TPRG1: variants seen among roughly 807,000 people sequenced by gnomAD.
TPRG1 encodes tumor protein p63-regulated gene 1 protein.
A neutral mutation model predicts 29.3 loss-of-function variants in TPRG1; 29 were observed. The ratio of observed to expected loss-of-function variants is 0.99; its 90% CI spans 0.74 to 1.35. The LOEUF is 1.35. Among genes scored for constraint, TPRG1 ranks in the 40% most tolerant of loss-of-function variants. The probability of loss-of-function intolerance (pLI) is 0.00; values close to 1 mark genes in which losing one functional copy is unlikely to be tolerated. For missense variants in TPRG1, 327 were observed against 335.0 expected (o/e 0.98, Z 0.19); for synonymous variants, 130 against 116.8 (o/e 1.11, Z -0.73).
chr3:189,030,174 G>A (rs548950903), intron 4 of TPRG1, among the ~76,000 whole-genome samples: 9 of 152,066 alleles, frequency 5.9e-5, no homozygotes, highest in Admixed American at 2.0e-4. Flanking sequence ...TGAGTCTTGC[G>A]TTTCATTTTC....
chr3:189,021,815 C>G (rs1248815952), intron 3 of TPRG1, among the ~76,000 whole-genome samples: 1 of 152,128 alleles, frequency 6.6e-6, no homozygotes, highest in Admixed American at 6.5e-5. Context: ...TGGATAATAT[C>G]CTGCAGAGTG....
chr3:189,093,199 T>C (rs1257678170), intron 4 of TPRG1, among the ~76,000 whole-genome samples: 3 of 151,946 alleles, frequency 2.0e-5, no homozygotes, highest in East Asian at 3.9e-4. Context: ...AGAGCGTCAA[T>C]AAAGAGACAA....
intron 1 of TPRG1, among the ~76,000 whole-genome samples, chr3:189,115,970 A>G (rs957290190): frequency 2.0e-5 from 3 of 152,190 alleles, no homozygotes; most frequent in Admixed American, 1.3e-4. Flanking sequence ...GCTACTATCA[A>G]AAAAACAGAA....
At chr3:189,180,816 C>T (rs376233212) in intron 1 of TPRG1, among the ~76,000 whole-genome samples, 1 of 152,194 alleles carries the variant, frequency 6.6e-6, no homozygotes, top group African/African-American at 2.4e-5. Flanking sequence ...AGTAGGGATT[C>T]TGTGTGGGGA....
intron 4 of TPRG1, among the ~76,000 whole-genome samples, chr3:189,059,821 G>A (rs140166428): frequency 5.3e-5 from 8 of 152,306 alleles, no homozygotes; most frequent in Non-Finnish European, 1.2e-4. Flanking sequence ...AGGATGCAAG[G>A]TTGATTCAAC....
At chr3:189,079,131 G>A (rs954561350) in intron 4 of TPRG1, among the ~76,000 whole-genome samples, 4 of 152,112 alleles carry the variant, frequency 2.6e-5, no homozygotes, top group Non-Finnish European at 5.9e-5. Flanking sequence ...AGCAAGGGAG[G>A]GAGCAAAAGG....
At chr3:189,262,069 T>A (rs1456418238) in intron 4 of TPRG1, among the ~76,000 whole-genome samples, 1 of 151,816 alleles carries the variant, frequency 6.6e-6, no homozygotes, top group African/African-American at 2.4e-5. Context: ...ATATAAGAGA[T>A]AGTTTGGAGA....
At chr3:189,204,972 C>CACACACAT (rs1734100221) in intron 1 of TPRG1, among the ~76,000 whole-genome samples, 1 of 151,868 alleles carries the variant, frequency 6.6e-6, no homozygotes, top group Non-Finnish European at 1.5e-5. Context: ...CACACACACA[C>CACACACAT]ACACATACAC....
chr3:189,096,833 A>C (rs1295242071), upstream of TPRG1, among the ~76,000 whole-genome samples: 2 of 152,236 alleles, frequency 1.3e-5, no homozygotes, highest in Non-Finnish European at 2.9e-5. Flanking sequence ...TGCCTTATAC[A>C]GACGTATAAT....
chr3:189,190,223 G>A lies in TPRG1; in HGVS notation c.-9-17153G>A, dbSNP rs182705979. 2.4e-3 allele frequency among the ~76,000 whole-genome samples: 358 copies of A among 152,230 alleles called. 2 individuals carry two copies. Among genetic ancestry groups the A allele is most frequent in the African/African-American group, 8.2e-3 (342 of 41,528 alleles). ...CTTGAATTTCTCTGTTCACAAATAG[G>A]ACATATTATATAAGCCACAGATGTT... On this transcript the variant is annotated intron_variant, in intron 1 of 5. Coordinates refer to ENST00000345063, the MANE Select transcript of TPRG1 (RefSeq NM_198485.4).
At chr3:189,262,634 A>G (rs550216171) in intron 4 of TPRG1, among the ~76,000 whole-genome samples, 1 of 152,196 alleles carries the variant, frequency 6.6e-6, no homozygotes, top group African/African-American at 2.4e-5. Flanking sequence ...GGAGAGTTAT[A>G]TGGGGTGTGC....
At chr3:189,262,279 G>A (rs370453221) in intron 4 of TPRG1, among the ~76,000 whole-genome samples, 11 of 141,788 alleles carry the variant, frequency 7.8e-5, no homozygotes, top group Admixed American at 6.8e-4. Flanking sequence ...AGTATATGAA[G>A]TATACGTCTT....
At chr3:189,262,429 C>A (rs562102471) in intron 4 of TPRG1, among the ~76,000 whole-genome samples, 1 of 151,986 alleles carries the variant, frequency 6.6e-6, no homozygotes, top group Non-Finnish European at 1.5e-5. Flanking sequence ...TCGGTTGAGA[C>A]AAACTATTCA....
chr3:189,179,845 A>C (rs911723199), intron 1 of TPRG1, among the ~76,000 whole-genome samples: 3 of 152,246 alleles, frequency 2.0e-5, no homozygotes, highest in Non-Finnish European at 2.9e-5. Context: ...AGACATTCTT[A>C]TATGCAGAAC....
intron 3 of TPRG1, among the ~76,000 whole-genome samples, chr3:189,221,839 G>A (rs1736981506): frequency 1.3e-5 from 2 of 152,216 alleles, no homozygotes; most frequent in African/African-American, 2.4e-5. Flanking sequence ...TTTTACGGAT[G>A]AAGAAACCTA....
At chr3:189,054,530 A>C (rs1350193802) in intron 4 of TPRG1, among the ~76,000 whole-genome samples, 1 of 151,972 alleles carries the variant, frequency 6.6e-6, no homozygotes, top group Non-Finnish European at 1.5e-5. Context: ...TAAAATGACA[A>C]ATTTAAATGG....
chr3:189,267,016 A>C (rs921882564), intron 4 of TPRG1, among the ~76,000 whole-genome samples: 2 of 152,116 alleles, frequency 1.3e-5, no homozygotes, highest in South Asian at 4.2e-4. Flanking sequence ...AGGGAAAGAG[A>C]GATAAAATAC....
intron 1 of TPRG1, among the ~76,000 whole-genome samples, chr3:189,176,589 G>A (rs1243013173): frequency 6.6e-6 from 1 of 152,178 alleles, no homozygotes. Flanking sequence ...AGAAAGTTAT[G>A]GAGAGCTAGA....
upstream of TPRG1, among the ~76,000 whole-genome samples, chr3:189,170,095 C>T (rs772600011): frequency 3.3e-5 from 5 of 152,194 alleles, no homozygotes; most frequent in South Asian, 2.1e-4. Context: ...CAGTGCATTG[C>T]TTAGTCCTTC....
Sources: allele counts gnomAD v4.1 joint callset (sites outside exome capture counted in the v4.1 genomes callset), GRCh38; gene constraint gnomAD v4.1.1; transcripts MANE v1.5; gene names NCBI Gene and HGNC (gene_info 2026-07-23, HGNC 2026-07-21).